Variants in RGS6 observed in about 807,000 individuals in gnomAD.
The protein encoded by RGS6 is regulator of G protein signaling 6, also known as regulator of G-protein signaling 6.
RGS6 carries 30 observed loss-of-function variants against 78.5 expected under a neutral mutation model. The observed-to-expected ratio is 0.38, with a 90% CI of 0.29 to 0.52. The LOEUF is 0.52. Among genes scored for constraint, RGS6 ranks in the 20% least tolerant of loss-of-function variants. The pLI, the probability that RGS6 is intolerant of heterozygous loss-of-function variation, is 0.85. For missense variants in RGS6, 495 were observed against 609.7 expected (o/e 0.81, Z 1.98); for synonymous variants, 206 against 206.0 (o/e 1.00, Z 0.00).
chr14:72,619,645 G>A, the RGS6 span, among the ~76,000 whole-genome samples: 39 of 152,228 alleles, frequency 2.6e-4, no homozygotes, highest in African/African-American at 8.4e-4. Context: ...CACACCTCCC[G>A]GTCATCTCCA....
At chr14:72,095,133 C>T (rs930606589) in intron 2 of RGS6, among the ~76,000 whole-genome samples, 8 of 152,134 alleles carry the variant, frequency 5.3e-5, no homozygotes, top group Admixed American at 1.3e-4. Flanking sequence ...ATGTGGACCA[C>T]GGCATGGTCT....
the RGS6 span, among the ~76,000 whole-genome samples, chr14:72,610,177 G>A: frequency 1.2e-4 from 18 of 152,318 alleles, no homozygotes; most frequent in South Asian, 2.3e-3. Flanking sequence ...GGTTTGCTTC[G>A]TATCTGCAGG....
chr14:72,486,850 A>G (rs1253442324), intron 12 of RGS6, among the ~76,000 whole-genome samples: 2 of 152,104 alleles, frequency 1.3e-5, no homozygotes, highest in Non-Finnish European at 1.5e-5. Flanking sequence ...CCTTGCTTTC[A>G]TTTCTTGTGC....
chr14:72,047,138 G>A (rs1337005560), intron 2 of RGS6, among the ~76,000 whole-genome samples: 11 of 152,158 alleles, frequency 7.2e-5, no homozygotes, highest in Non-Finnish European at 1.6e-4. Context: ...TGCACACTGA[G>A]CACGGTGACA....
At chr14:72,496,990 A>G (rs2096653743) in intron 13 of RGS6, among the ~76,000 whole-genome samples, 1 of 152,178 alleles carries the variant, frequency 6.6e-6, no homozygotes, top group South Asian at 2.1e-4. Context: ...GATTTATTTT[A>G]CCAGTACCTG....
At chr14:72,567,437 T>C (rs1370773959), downstream of RGS6, among the ~76,000 whole-genome samples, 1 of 152,236 alleles carries the variant, frequency 6.6e-6, no homozygotes, top group Non-Finnish European at 1.5e-5. Flanking sequence ...CTTATCGGGC[T>C]GTTGCTGTGC....
chr14:72,299,920 A>G (rs2065691174), intron 2 of RGS6, among the ~76,000 whole-genome samples: 1 of 151,936 alleles, frequency 6.6e-6, no homozygotes, highest in African/African-American at 2.4e-5. Flanking sequence ...GAGTTTATAA[A>G]TTTTATTAGC....
At chr14:72,441,929 A>G (rs772198470) in intron 3 of RGS6, among the ~76,000 whole-genome samples, 10 of 152,186 alleles carry the variant, frequency 6.6e-5, no homozygotes, top group Non-Finnish European at 1.3e-4. Context: ...CTAGCAGTGC[A>G]CCAGCTACCC....
In RGS6 at chr14:72,295,324, A is replaced by G. The variant is rs549179174; in HGVS notation, c.85-56771A>G. Among the ~76,000 whole-genome samples, 120 of 152,172 alleles carry G rather than the reference A, an allele frequency of 7.9e-4. 3 individuals carry two copies. In the Middle Eastern group the frequency reaches 0.01, roughly 13 times the overall value. ...AAAAAAAAGAACCCTTTGTTCAAAT[A>G]AAATCTTATCTAGAACTCCAGTATA... is the stretch of plus-strand genomic sequence containing the variant. On this transcript the variant is annotated intron_variant, in intron 2 of 17. Coordinates refer to ENST00000553525, the MANE Select transcript of RGS6 (RefSeq NM_001204424.2).
Position 72,474,331 on chromosome 14 carries a change from T to TA in RGS6, c.619-285dup, listed in dbSNP as rs1036609548. Among the ~76,000 whole-genome samples the TA allele has an allele frequency of 3.9e-5, 6 of 152,080 alleles. No individual in the cohort carries two copies. The East Asian group carries it at 5.8e-4, about 15-fold the overall frequency. ...AGTCTTTTTCAAACGGTTAAGTATG[T>TA]AAAAAAAAATTTTAAGGACTGTGTC... On this transcript the variant is annotated intron_variant, in intron 9 of 17. Transcript: ENST00000553525.
chr14:72,337,446 G>A lies in RGS6; in HGVS notation c.85-14649G>A, dbSNP rs945103318. ...GGAAGGAGAAGAGAAGGACCCTATT[G>A]TTTAGAGCAGAGGTGCTGGGTTCTC... On this transcript the variant is annotated intron_variant, in intron 2 of 17. Transcript: ENST00000553525. Among the ~76,000 whole-genome samples, 3 of 152,064 alleles carry A rather than the reference G, an allele frequency of 2.0e-5. No homozygotes were observed. In the South Asian group the frequency reaches 6.2e-4, roughly 32 times the overall value.
Position 72,470,033 on chromosome 14 carries a change from C to T in RGS6, c.486C>T (p.Ala162=). ...EAENLARLQR[A]FARKWEFIFM... The stretch of plus-strand genomic sequence containing the variant: ...AAAACTTAGCAAGACTCCAGAGGGC[C>T]TTTGCGAGGAAGTGGGAATTCATCT... The change falls in exon 8 of 18, where the codon GCC becomes GCT. Residue 162 remains alanine (A), a synonymous_variant. Transcript: ENST00000553525. 2 of 1,613,562 alleles carry T rather than the reference C, an allele frequency of 1.2e-6. No homozygotes were observed. Among genetic ancestry groups the T allele is most frequent in the Non-Finnish European group, 1.7e-6 (2 of 1,179,812 alleles).
chr14:72,017,877 C>T (rs2087412048), intron 2 of RGS6, among the ~76,000 whole-genome samples: 1 of 152,122 alleles, frequency 6.6e-6, no homozygotes, highest in Non-Finnish European at 1.5e-5. Flanking sequence ...ACACATCATC[C>T]TATCGCCTAG....
chr14:72,120,908 C>T (rs535789131), intron 2 of RGS6, among the ~76,000 whole-genome samples: 16 of 152,152 alleles, frequency 1.1e-4, no homozygotes, highest in South Asian at 2.1e-4. Flanking sequence ...AAACTCATCA[C>T]GTGGAACACC....
rs1170551068 is a variant in RGS6 at position 72,477,057 on chromosome 14, AAAAGGGCGT to A, written c.792+221_792+229del. On this transcript the variant is annotated intron_variant, in intron 11 of 17. Coordinates refer to ENST00000553525, the MANE Select transcript of RGS6 (RefSeq NM_001204424.2). Reference sequence around the variant, plus strand: ...ACCCAGTTCCTCCAGCAGTTACTAGAAAAGGGCGTAAATGAGTCATCCCATGCCTTGGGG... The same window carrying A: ...ACCCAGTTCCTCCAGCAGTTACTAGAAAATGAGTCATCCCATGCCTTGGGG... 3 of 524,496 alleles carry A rather than the reference AAAAGGGCGT, an allele frequency of 5.7e-6. No homozygotes were observed. In the African/African-American group the frequency reaches 5.8e-5, roughly 10 times the overall value. The allele number at this position is 524,496 out of a possible 1,614,324, so 32.5% of individuals were successfully genotyped here.
intron 2 of RGS6, among the ~76,000 whole-genome samples, chr14:72,277,273 G>C (rs2060825936): frequency 1.3e-5 from 2 of 152,216 alleles, no homozygotes; most frequent in Admixed American, 6.5e-5. Context: ...TGAGCCCCTT[G>C]CAGACTCAAG....
At chr14:72,302,643 C>G (rs1001604301) in intron 2 of RGS6, among the ~76,000 whole-genome samples, 1 of 152,052 alleles carries the variant, frequency 6.6e-6, no homozygotes, top group African/African-American at 2.4e-5. Context: ...ATCTAGCTTT[C>G]CAAACGGCCT....
intron 5 of RGS6, among the ~76,000 whole-genome samples, chr14:72,459,391 C>T (rs942930494): frequency 1.3e-5 from 2 of 152,212 alleles, no homozygotes; most frequent in Admixed American, 6.5e-5. Flanking sequence ...GAATATATTG[C>T]CCTGTGAACA....
chr14:72,120,513 A>ATAC (rs2096020208), intron 2 of RGS6, among the ~76,000 whole-genome samples: 1 of 152,216 alleles, frequency 6.6e-6, no homozygotes, highest in Non-Finnish European at 1.5e-5. Flanking sequence ...ATGAAACCAC[A>ATAC]CATACCATAA....
Sources: allele counts gnomAD v4.1 joint callset (sites outside exome capture counted in the v4.1 genomes callset), GRCh38; gene constraint gnomAD v4.1.1; transcripts MANE v1.5; gene names NCBI Gene and HGNC (gene_info 2026-07-23, HGNC 2026-07-21).